Variants in CPNE4 observed in about 807,000 individuals in gnomAD.
The protein encoded by CPNE4 is copine-4.
In CPNE4, 25 loss-of-function variants were observed where a neutral mutation model predicts 67.9. That is an observed-to-expected ratio of 0.37 (90% CI 0.27 to 0.51). The LOEUF is 0.51. Ranked by LOEUF, CPNE4 falls within the 20% of genes least tolerant of loss-of-function variation. The pLI, the probability that CPNE4 is intolerant of heterozygous loss-of-function variation, is 0.93. For missense variants in CPNE4, 464 were observed against 690.8 expected (o/e 0.67, Z 3.68); for synonymous variants, 242 against 244.9 (o/e 0.99, Z 0.11).
At chr3:131,824,355 C>T (rs1366582390) in intron 2 of CPNE4, among the ~76,000 whole-genome samples, 1 of 152,182 alleles carries the variant, frequency 6.6e-6, no homozygotes, top group Non-Finnish European at 1.5e-5. Context: ...TAAAAAAGAA[C>T]TATCCATATC....
intron 1 of CPNE4, among the ~76,000 whole-genome samples, chr3:131,993,735 T>A (rs2073228671): frequency 7.4e-6 from 1 of 136,002 alleles, no homozygotes; most frequent in South Asian, 2.5e-4. Context: ...ATACTAACTT[T>A]ACATTTCTCT....
At chr3:131,601,245 A>G (rs6802747) in intron 7 of CPNE4, among the ~76,000 whole-genome samples, 21,547 of 152,176 alleles carry the variant, frequency 0.14, 2,058 homozygotes, top group African/African-American at 0.27. Flanking sequence ...TTGCCAGGTC[A>G]TTGCAAGGAT....
At chr3:131,620,762 C>A (rs771301527) in intron 7 of CPNE4, among the ~76,000 whole-genome samples, 1 of 152,092 alleles carries the variant, frequency 6.6e-6, no homozygotes, top group Non-Finnish European at 1.5e-5. Flanking sequence ...GGGTCACAGG[C>A]TAAGAAACGC....
At chr3:131,999,088 G>A (rs1033136125) in intron 1 of CPNE4, among the ~76,000 whole-genome samples, 3 of 151,846 alleles carry the variant, frequency 2.0e-5, no homozygotes, top group Admixed American at 6.6e-5. Context: ...AGGGGCAATA[G>A]TATTTCATAC....
chr3:131,649,889 G>T (rs982963635), intron 7 of CPNE4, among the ~76,000 whole-genome samples: 11 of 152,168 alleles, frequency 7.2e-5, no homozygotes, highest in African/African-American at 2.7e-4. Context: ...TTACACCGTG[G>T]CTGCGTTGTG....
chr3:131,949,072 T>C (rs528322555), intron 1 of CPNE4, among the ~76,000 whole-genome samples: 1 of 152,300 alleles, frequency 6.6e-6, no homozygotes, highest in East Asian at 1.9e-4. Flanking sequence ...AATATAAACC[T>C]TGCAGGGTAT....
chr3:131,587,532 T>C lies in CPNE4; in HGVS notation c.732A>G (p.Glu244=). The C allele has an allele frequency of 6.2e-7, 1 of 1,613,838 alleles. No homozygotes were observed. The highest frequency in any genetic ancestry group is 8.5e-7 in the Non-Finnish European group (1 of 1,179,762). Residue 244 remains glutamate (E), a synonymous_variant, in exon 8 of 16, where the codon GAA becomes GAG. Coordinates refer to ENST00000429747, the MANE Select transcript of CPNE4 (RefSeq NM_130808.3). ...DSNGKHDFIG[E]FTSTFKEMRG... is the part of the protein sequence containing the mutation. ...TCATCTCCTTGAATGTCGAGGTGAATTCTCCAATGAAGTCATGCTTGCCAT... is the reference window on the plus strand; with the variant it reads ...TCATCTCCTTGAATGTCGAGGTGAACTCTCCAATGAAGTCATGCTTGCCAT...
intron 7 of CPNE4, among the ~76,000 whole-genome samples, chr3:131,625,999 T>C (rs914276135): frequency 1.3e-5 from 2 of 152,188 alleles, no homozygotes; most frequent in Non-Finnish European, 2.9e-5. Flanking sequence ...AATGTTACTA[T>C]TGTAATTGTT....
intron 1 of CPNE4, among the ~76,000 whole-genome samples, chr3:131,968,481 G>T (rs918123146): frequency 6.6e-6 from 1 of 152,186 alleles, no homozygotes; most frequent in African/African-American, 2.4e-5. Flanking sequence ...CTAATATCCA[G>T]AATCTATGAG....
rs148234644 is a variant in CPNE4, at chr3:131,663,375, C to T, written c.681+6300G>A. ...TACCTAATGCATGTGGGACTGAAAA[C>T]CCAGATGATGGGTTGATAAATGCAG... On this transcript the variant is annotated intron_variant, in intron 7 of 15. Coordinates refer to ENST00000429747, the MANE Select transcript of CPNE4 (RefSeq NM_130808.3). Among the ~76,000 whole-genome samples, 550 of 152,012 alleles carry T rather than the reference C, an allele frequency of 3.6e-3. 5 individuals are homozygous for T. Among genetic ancestry groups the T allele is most frequent in the African/African-American group, 0.013 (524 of 41,466 alleles).
intron 2 of CPNE4, among the ~76,000 whole-genome samples, chr3:131,814,453 T>G (rs1324796758): frequency 6.6e-6 from 1 of 152,076 alleles, no homozygotes; most frequent in Non-Finnish European, 1.5e-5. Flanking sequence ...GGAAATGCGT[T>G]CCTACCGTGT....
At chr3:131,752,144 T>C (rs2082644898) in intron 2 of CPNE4, among the ~76,000 whole-genome samples, 1 of 152,156 alleles carries the variant, frequency 6.6e-6, no homozygotes, top group Non-Finnish European at 1.5e-5. Flanking sequence ...GGAGAGCTTT[T>C]ACCAGCCAGT....
At chr3:131,825,494 A>C (rs981549637) in intron 2 of CPNE4, among the ~76,000 whole-genome samples, 12 of 70,954 alleles carry the variant, frequency 1.7e-4, no homozygotes, top group Non-Finnish European at 3.0e-4. Flanking sequence ...AGACTCCGTC[A>C]AAAAAAAAAA....
intron 3 of CPNE4, among the ~76,000 whole-genome samples, chr3:131,709,461 C>A (rs542962559): frequency 3.9e-5 from 6 of 152,256 alleles, no homozygotes; most frequent in South Asian, 2.1e-4. Flanking sequence ...AATGCCCTAT[C>A]CCTGTGGATC....
chr3:131,882,780 G>A (rs569322779), intron 2 of CPNE4, among the ~76,000 whole-genome samples: 208 of 147,858 alleles, frequency 1.4e-3, no homozygotes, highest in Admixed American at 4.3e-3. Context: ...GCAGTGGCAC[G>A]ATCTCAGCTC....
chr3:131,724,646 G>T (rs2081962350), intron 2 of CPNE4, among the ~76,000 whole-genome samples: 1 of 152,134 alleles, frequency 6.6e-6, no homozygotes, highest in African/African-American at 2.4e-5. Context: ...ACTTCCTTCT[G>T]CACAGGGAGC....
chr3:132,007,118 T>C (rs926260228), intron 1 of CPNE4, among the ~76,000 whole-genome samples: 1 of 152,126 alleles, frequency 6.6e-6, no homozygotes, highest in Non-Finnish European at 1.5e-5. Context: ...GATCCATTCT[T>C]CTCTTGAAGA....
chr3:131,690,122 A>G (rs987838991), intron 5 of CPNE4, among the ~76,000 whole-genome samples: 1 of 152,334 alleles, frequency 6.6e-6, no homozygotes, highest in African/African-American at 2.4e-5. Context: ...TGCCAAAAGC[A>G]ATCTACAGAT....
intron 7 of CPNE4, among the ~76,000 whole-genome samples, chr3:131,657,455 A>G (rs1421905948): frequency 6.6e-6 from 1 of 152,014 alleles, no homozygotes. Context: ...CATTGACAAG[A>G]TATACTGTGG....
Sources: allele counts gnomAD v4.1 joint callset (sites outside exome capture counted in the v4.1 genomes callset), GRCh38; gene constraint gnomAD v4.1.1; transcripts MANE v1.5; gene names NCBI Gene and HGNC (gene_info 2026-07-23, HGNC 2026-07-21).